MUC5AC: variants seen among roughly 807,000 people sequenced by gnomAD.
MUC5AC encodes mucin 5AC, oligomeric mucus/gel-forming.
In MUC5AC, 158 loss-of-function variants were observed where a neutral mutation model predicts 169.7. That is an observed-to-expected ratio of 0.93 (90% CI 0.82 to 1.06). The LOEUF (loss-of-function observed/expected upper bound fraction) is 1.06. Among genes scored for constraint, MUC5AC ranks in the 50% least tolerant of loss-of-function variants. MUC5AC has a pLI of 0.00. For missense variants in MUC5AC, 4,359 were observed against 3,089.9 expected (o/e 1.41, Z -9.74); for synonymous variants, 1,975 against 1,237.0 (o/e 1.60, Z -12.52).
rs371469641 is a variant in MUC5AC, at chr11:1,200,606, C to T, written c.16869C>T (p.Gly5623=). The part of the protein sequence containing the change: ...GCMGRRCPAP[G]DTQHSEEAEP... ...TGGGCCGGCGGTGCCCTGCGCCGGG[C>T]GACACCCAGCACTCGGAGGAGGCGG... The change falls in exon 49 of 49, where the codon GGC becomes GGT. Residue 5623 remains glycine (G), a synonymous_variant. Coordinates refer to ENST00000621226, the MANE Select transcript of MUC5AC (RefSeq NM_001304359.2). 7.2e-5 allele frequency: 55 copies of T among 764,262 alleles called. No individual in the cohort carries two copies. Among genetic ancestry groups the T allele is most frequent in the Non-Finnish European group, 1.1e-4 (47 of 417,486 alleles). The allele number at this position is 764,262 out of a possible 1,614,324, so 47.3% of individuals were successfully genotyped here. A position where few individuals can be genotyped will look rare whatever the true frequency, so the allele number is the denominator to read the frequency against.
rs1446206082 is a variant in MUC5AC at position 1,200,800 on chromosome 11, G to C, written c.*98G>C. 1.1e-5 allele frequency: 7 copies of C among 660,440 alleles called. No individual in the cohort carries two copies. The highest frequency in any genetic ancestry group is 1.9e-5 in the Non-Finnish European group (7 of 365,370). The allele number at this position is 660,440 out of a possible 1,614,324, so 40.9% of individuals were successfully genotyped here. On this transcript the variant is annotated 3_prime_UTR_variant, in exon 49 of 49. Transcript: ENST00000621226. ...TGGAACTTGTGCCCCTGTCCAGGCG[G>C]CTGCAGCTTTGAACACACTGTCCAC...
Position 1,191,869 on chromosome 11 carries a change from C to T in MUC5AC, c.13724C>T (p.Thr4575Ile). The T allele has an allele frequency of 1.3e-6, 1 of 763,010 alleles. No homozygotes were observed. 47.3% of individuals were successfully genotyped at this position (763,010 alleles called of 1,614,324 possible). The change falls in exon 31 of 49, where the codon ACC becomes ATC. Residue 4575 changes from threonine (T) to isoleucine (I), a missense_variant. Coordinates refer to ENST00000621226, the MANE Select transcript of MUC5AC (RefSeq NM_001304359.2). ...ACTACTCCCAGCCCTGTTCCCACCA[C>T]CAGCACAACCTCTGCTCCTACAACC... ...PGTTPSPVPT[T>I]STTSAPTTST...
At position 1,165,588 on chromosome 11, in the gene MUC5AC, C is replaced by T. The variant is rs777437377; in HGVS notation, c.1248-34C>T. On this transcript the variant is annotated intron_variant, in intron 10 of 48. Transcript: ENST00000621226. ...GAGGCTGGAGGCTGGTCTCCTGGGGCCGGCACCCACGTGGCACCATCTCTT... is the reference window on the plus strand; with the variant it reads ...GAGGCTGGAGGCTGGTCTCCTGGGGTCGGCACCCACGTGGCACCATCTCTT... 678 of 1,608,890 alleles carry T rather than the reference C, an allele frequency of 4.2e-4. 1 individual carries two copies. Among genetic ancestry groups the T allele is most frequent in the Non-Finnish European group, 5.2e-4 (618 of 1,179,006 alleles).
rs371757726 is a variant in MUC5AC, at chr11:1,192,390, C to A, written c.14245C>A (p.Pro4749Thr). 1 of 765,142 alleles carries A rather than the reference C, an allele frequency of 1.3e-6. No homozygotes were observed. The highest frequency in any genetic ancestry group is 1.3e-5 in the South Asian group (1 of 74,622). The allele number at this position is 765,142 out of a possible 1,614,324, so 47.4% of individuals were successfully genotyped here. The stretch of plus-strand genomic sequence containing the variant: ...GACTTCTCCTACCAATGCTCTGTAT[C>A]CTTCCCTGTCTACTTCCATGGTATC... ...YGTSPTNALY[P>T]SLSTSMVSAS... is the part of the protein sequence containing the mutation. The change falls in exon 31 of 49, where the codon CCT (proline) becomes ACT (threonine). Residue 4749 changes from proline to threonine, a missense_variant. Coordinates refer to ENST00000621226, the MANE Select transcript of MUC5AC (RefSeq NM_001304359.2).
At position 1,197,704 on chromosome 11, in the gene MUC5AC, G is replaced by T. The variant is rs796068269; in HGVS notation, c.16033+65G>T. On this transcript the variant is annotated intron_variant, in intron 41 of 48. Transcript: ENST00000621226. ...AGGTGACCCGGAGCCCACTCGGCCCGGACTTTGCTGCTGCCTTGGGGCGTG... is the reference window on the plus strand; with the variant it reads ...AGGTGACCCGGAGCCCACTCGGCCCTGACTTTGCTGCTGCCTTGGGGCGTG... 20 of 642,812 alleles carry T rather than the reference G, an allele frequency of 3.1e-5. No individual in the cohort carries two copies. The African/African-American group carries it at 3.6e-4, about 11-fold the overall frequency. The allele number at this position is 642,812 out of a possible 1,614,324, so 39.8% of individuals were successfully genotyped here.
Position 1,191,710 on chromosome 11 carries a change from C to G in MUC5AC, c.13565C>G (p.Thr4522Ser), listed in dbSNP as rs74390930. ...TPSPVPTTSTTSAPTTSTTSA... is the reference protein window; with the variant it reads ...TPSPVPTTSTSSAPTTSTTSA... Reference sequence around the variant, plus strand: ...AGCCCTGTTCCCACCACCAGCACAACCTCTGCTCCTACAACCAGCACAACC... The same window carrying G: ...AGCCCTGTTCCCACCACCAGCACAAGCTCTGCTCCTACAACCAGCACAACC... The change falls in exon 31 of 49, where the codon ACC becomes AGC. Residue 4522 changes from threonine (T) to serine (S), a missense_variant. Physicochemically the swap from Thr to Ser is moderately conservative, Grantham distance 58. Transcript: ENST00000621226. 23 of 708,282 alleles carry G rather than the reference C, an allele frequency of 3.2e-5. 1 individual carries two copies. Among genetic ancestry groups the G allele is most frequent in the Middle Eastern group, 4.6e-4 (2 of 4,368 alleles). 43.9% of individuals were successfully genotyped at this position (708,282 alleles called of 1,614,324 possible). A position where few individuals can be genotyped will look rare whatever the true frequency, so the allele number is the denominator to read the frequency against.
intron 44 of MUC5AC, 43 bp from the exon 45 acceptor site, chr11:1,199,044 A>T (rs765590443): frequency 1.3e-5 from 10 of 762,876 alleles, no homozygotes; most frequent in Non-Finnish European, 2.2e-5. Context: ...CTTGGGGGGC[A>T]GCGGTCGCCT....
In MUC5AC at chr11:1,174,565, G is replaced by A. The variant is rs939088209; in HGVS notation, c.2035G>A (p.Val679Met). 12 of 1,539,338 alleles carry A rather than the reference G, an allele frequency of 7.8e-6. No homozygotes were observed. Among genetic ancestry groups the A allele is most frequent in the East Asian group, 4.8e-5 (2 of 41,394 alleles). ...CCTGTGCGCCGCGCTGTCCTCCTAC[G>A]TGCACGCCTGTGCCGCCAAGGGCGT... The part of the protein sequence containing the change: ...DCLCAALSSY[V>M]HACAAKGVQL... The change falls in exon 17 of 49, where the codon GTG (valine) becomes ATG (methionine). Residue 679 changes from valine to methionine, a missense_variant. Val to Met is a conservative substitution (Grantham distance 21). Coordinates refer to ENST00000621226, the MANE Select transcript of MUC5AC (RefSeq NM_001304359.2).
intron 16 of MUC5AC, 36 bp from the exon 17 acceptor site, chr11:1,174,460 G>C: frequency 7.6e-7 from 1 of 1,310,696 alleles, no homozygotes; most frequent in Non-Finnish European, 1.1e-6. Context: ...GTGTGGGCTG[G>C]GGTCTCTGAT....
In MUC5AC at chr11:1,192,025, G is replaced by A. The variant is rs1483763819; in HGVS notation, c.13880G>A (p.Cys4627Tyr). Residue 4627 changes from cysteine (C) to tyrosine (Y), a missense_variant, in exon 31 of 49, where the codon TGT (cysteine) becomes TAT (tyrosine). Cys to Tyr is a radical substitution (Grantham distance 194). Coordinates refer to ENST00000621226, the MANE Select transcript of MUC5AC (RefSeq NM_001304359.2). ...TTHSQPVTSD[C>Y]HPLCAWTKWF... ...CACTCCCAACCAGTCACCAGTGACT[G>A]TCATCCTCTGTGCGCCTGGACAAAG... is the stretch of plus-strand genomic sequence containing the variant. 3 of 765,028 alleles carry A rather than the reference G, an allele frequency of 3.9e-6. No homozygotes were observed. The highest frequency in any genetic ancestry group is 4.8e-5 in the East Asian group (2 of 41,264). 47.4% of individuals were successfully genotyped at this position (765,028 alleles called of 1,614,324 possible).
In MUC5AC at chr11:1,187,660, C is replaced by T. The variant is rs1860987601; in HGVS notation, c.9515C>T (p.Thr3172Ile). 8 of 764,910 alleles carry T rather than the reference C, an allele frequency of 1.0e-5. No individual in the cohort carries two copies. Among genetic ancestry groups the T allele is most frequent in the Admixed American group, 5.1e-5 (3 of 58,964 alleles). 47.4% of individuals were successfully genotyped at this position (764,910 alleles called of 1,614,324 possible). A position where few individuals can be genotyped will look rare whatever the true frequency, so the allele number is the denominator to read the frequency against. Residue 3172 changes from threonine (T) to isoleucine (I), a missense_variant, in exon 31 of 49, where the codon ACC becomes ATC. Coordinates refer to ENST00000621226, the MANE Select transcript of MUC5AC (RefSeq NM_001304359.2). ...TSTIFAPRTS[T>I]TSASTTSTTP... ...ACAATCTTTGCTCCTAGAACCAGCA[C>T]CACTTCTGCCTCTACAACCAGCACA...
At chr11:1,173,856 C>T (rs987486368) in intron 16 of MUC5AC, among the ~76,000 whole-genome samples, 11 of 134,518 alleles carry the variant, frequency 8.2e-5, no homozygotes, top group Non-Finnish European at 1.8e-4. Context: ...ATTCCTTCAC[C>T]TACTCATTCA....
chr11:1,198,195 C>T (rs2133778003), intron 42 of MUC5AC, 73 bp from the exon 43 acceptor site: 2 of 712,094 alleles, frequency 2.8e-6, no homozygotes, highest in Non-Finnish European at 5.1e-6. Flanking sequence ...CAGGAGGCTG[C>T]AGGGGCGGGA....
At position 1,175,116 on chromosome 11, in the gene MUC5AC, T is replaced by A. The variant is rs1860640124; in HGVS notation, c.2327T>A (p.Val776Glu). ...TCCATGATCCCCAATGGGGAGTCGGTGCACGACAGCGGGGCTATCTGGTAA... is the reference window on the plus strand; with the variant it reads ...TCCATGATCCCCAATGGGGAGTCGGAGCACGACAGCGGGGCTATCTGGTAA... ...RGSMIPNGES[V>E]HDSGAICTCT... is the part of the protein sequence containing the mutation. Residue 776 changes from valine to glutamate, a missense_variant, in exon 18 of 49, where the codon GTG becomes GAG. Transcript: ENST00000621226. The A allele has an allele frequency of 2.5e-6, 1 of 398,994 alleles. No individual in the cohort carries two copies. Among genetic ancestry groups the A allele is most frequent in the Non-Finnish European group, 4.4e-6 (1 of 226,378 alleles). 24.7% of individuals were successfully genotyped at this position (398,994 alleles called of 1,614,324 possible). A position where few individuals can be genotyped will look rare whatever the true frequency, so the allele number is the denominator to read the frequency against.
At chr11:1,166,181 G>GA (rs1860319678) in intron 11 of MUC5AC, among the ~76,000 whole-genome samples, 1 of 115,158 alleles carries the variant, frequency 8.7e-6, no homozygotes, top group African/African-American at 3.4e-5. Context: ...TCTCCCTATG[G>GA]TGAGACCCTG....
In MUC5AC at chr11:1,197,569, C is replaced by T. The variant is rs1325862596; in HGVS notation, c.15963C>T (p.Cys5321=). The T allele has an allele frequency of 1.4e-6, 1 of 718,112 alleles. No homozygotes were observed. Among genetic ancestry groups the T allele is most frequent in the Non-Finnish European group, 2.5e-6 (1 of 394,972 alleles). 44.5% of individuals were successfully genotyped at this position (718,112 alleles called of 1,614,324 possible). ...AGCTCTGCCCGCTGCCCCCTGCCTG[C>T]CCCCTGCCCGGCTTCGTGCCTGTGC... ...RPKLCPLPPA[C]PLPGFVPVPA... is the part of the protein sequence containing the mutation. The change falls in exon 41 of 49, where the codon TGC becomes TGT. Residue 5321 remains cysteine, a synonymous_variant. Coordinates refer to ENST00000621226, the MANE Select transcript of MUC5AC (RefSeq NM_001304359.2).
Position 1,199,405 on chromosome 11 carries a change from G to C in MUC5AC, c.16430G>C (p.Cys5477Ser), listed in dbSNP as rs932761970. ...ACCTGGTCAGACGCAGGGAACCACT[G>C]TGTGACCCACCAGTGTGAGAAGCAC... ...GETWSDAGNHCVTHQCEKHQD... is the reference protein window; with the variant it reads ...GETWSDAGNHSVTHQCEKHQD... Residue 5477 changes from cysteine to serine, a missense_variant, in exon 46 of 49, where the codon TGT becomes TCT. Coordinates refer to ENST00000621226, the MANE Select transcript of MUC5AC (RefSeq NM_001304359.2). The C allele has an allele frequency of 6.9e-6, 5 of 728,528 alleles. No homozygotes were observed. The highest frequency in any genetic ancestry group is 1.0e-5 in the Non-Finnish European group (4 of 399,616). 45.1% of individuals were successfully genotyped at this position (728,528 alleles called of 1,614,324 possible). A position where few individuals can be genotyped will look rare whatever the true frequency, so the allele number is the denominator to read the frequency against.
rs764747286 is a variant in MUC5AC, at chr11:1,191,702, C to G, written c.13557C>G (p.Thr4519=). ...CTACTCCCAGCCCTGTTCCCACCAC[C>G]AGCACAACCTCTGCTCCTACAACCA... ...PGTTPSPVPT[T]STTSAPTTST... The change falls in exon 31 of 49, where the codon ACC becomes ACG. Residue 4519 remains threonine, a synonymous_variant. Transcript: ENST00000621226. 1.4e-6 allele frequency: 1 copy of G among 703,748 alleles called. No homozygotes were observed. The highest frequency in any genetic ancestry group is 1.8e-5 in the African/African-American group (1 of 55,802). 43.6% of individuals were successfully genotyped at this position (703,748 alleles called of 1,614,324 possible). A position where few individuals can be genotyped will look rare whatever the true frequency, so the allele number is the denominator to read the frequency against.
chr11:1,158,039 C>T lies in MUC5AC; in HGVS notation c.40C>T (p.Leu14=). ...GAGGAAGCTGGCCCTGCTCTGGGCCCTGGCTCTCGCTCTGGCCTGCACCCG... is the reference window on the plus strand; with the variant it reads ...GAGGAAGCTGGCCCTGCTCTGGGCCTTGGCTCTCGCTCTGGCCTGCACCCG... ...GRRKLALLWA[L]ALALACTRHT... Residue 14 remains leucine (L), a synonymous_variant, in exon 1 of 49, where the codon CTG becomes TTG. Coordinates refer to ENST00000621226, the MANE Select transcript of MUC5AC (RefSeq NM_001304359.2). The T allele has an allele frequency of 6.2e-7, 1 of 1,608,014 alleles. No homozygotes were observed.
Sources: gnomAD v4.1 joint callset for allele counts (sites outside exome capture counted in the v4.1 genomes callset) on GRCh38, gnomAD v4.1.1 for gene constraint, MANE v1.5 for transcripts, NCBI Gene and HGNC (gene_info 2026-07-23, HGNC 2026-07-21) for gene names.